The following CDH13 variants were observed in gnomAD, a reference collection of about 807,000 sequenced individuals.
CDH13 encodes cadherin 13, also known as cadherin-13.
A neutral mutation model predicts 63.8 loss-of-function variants in CDH13; 24 were observed. The observed-to-expected ratio is 0.38, with a 90% CI of 0.27 to 0.53. CDH13 has a LOEUF of 0.53. CDH13 is among the 20% of genes least tolerant of loss of function. The pLI is 0.85. For missense variants in CDH13, 1,049 were observed against 903.1 expected (o/e 1.16, Z -2.07); for synonymous variants, 503 against 355.3 (o/e 1.42, Z -4.67).
chr16:83,211,205 G>A (rs1219985327), intron 4 of CDH13, among the ~76,000 whole-genome samples: 1 of 151,780 alleles, frequency 6.6e-6, no homozygotes, highest in Non-Finnish European at 1.5e-5. Context: ...ATAAAATCTG[G>A]AGTCTAGTTA....
chr16:83,225,978 T>C (rs893265010), intron 5 of CDH13, among the ~76,000 whole-genome samples: 2 of 152,232 alleles, frequency 1.3e-5, no homozygotes, highest in East Asian at 3.8e-4. Context: ...TGCTTCACTC[T>C]GAGCAAACAT....
chr16:83,533,664 A>G (rs913878852), intron 7 of CDH13, among the ~76,000 whole-genome samples: 3 of 131,040 alleles, frequency 2.3e-5, no homozygotes, highest in Non-Finnish European at 3.1e-5. Flanking sequence ...TCTGTCACCC[A>G]GGCTGGAGTG....
intron 7 of CDH13, among the ~76,000 whole-genome samples, chr16:83,494,464 A>G (rs1355892516): frequency 1.3e-5 from 2 of 152,246 alleles, no homozygotes; most frequent in African/African-American, 4.8e-5. Flanking sequence ...TCTAATTTGG[A>G]AAGAATATCT....
Position 83,116,666 on chromosome 16 carries a change from G to C in CDH13, c.367-8719G>C, listed in dbSNP as rs188461118. Among the ~76,000 whole-genome samples, 17 of 152,352 alleles carry C rather than the reference G, an allele frequency of 1.1e-4. No homozygotes were observed. In the South Asian group the frequency reaches 1.9e-3, roughly 17 times the overall value. ...AATGGGCATGAGGTTTCATTTAAGGGTGATGGAGATGTTCTAAAATTATAT... is the reference window on the plus strand; with the variant it reads ...AATGGGCATGAGGTTTCATTTAAGGCTGATGGAGATGTTCTAAAATTATAT... On this transcript the variant is annotated intron_variant, in intron 3 of 13. Coordinates refer to ENST00000567109, the MANE Select transcript of CDH13 (RefSeq NM_001257.5).
At chr16:83,137,725 G>A (rs1252992677) in intron 4 of CDH13, among the ~76,000 whole-genome samples, 3 of 152,218 alleles carry the variant, frequency 2.0e-5, no homozygotes, top group African/African-American at 7.2e-5. Flanking sequence ...GGGCCGTGAA[G>A]GAGTGGGGCC....
intron 2 of CDH13, among the ~76,000 whole-genome samples, chr16:82,950,070 C>T (rs1905133314): frequency 6.6e-6 from 1 of 152,070 alleles, no homozygotes; most frequent in Non-Finnish European, 1.5e-5. Flanking sequence ...TAACAAAGTG[C>T]CACAAACTGG....
At chr16:83,253,075 A>C (rs1905778598) in intron 5 of CDH13, among the ~76,000 whole-genome samples, 1 of 152,226 alleles carries the variant, frequency 6.6e-6, no homozygotes, top group Non-Finnish European at 1.5e-5. Context: ...CTCAATAAAT[A>C]GTGGAGATTG....
At chr16:83,288,167 G>T (rs1176177732) in intron 5 of CDH13, among the ~76,000 whole-genome samples, 1 of 151,984 alleles carries the variant, frequency 6.6e-6, no homozygotes, top group East Asian at 1.9e-4. Flanking sequence ...TGAGTTTTTT[G>T]GTGCCTCCTT....
intron 6 of CDH13, among the ~76,000 whole-genome samples, chr16:83,425,849 A>G (rs924610818): frequency 4.0e-5 from 6 of 149,888 alleles, no homozygotes; most frequent in African/African-American, 7.4e-5. Flanking sequence ...TCATTCAACA[A>G]TTATTTATAA....
intron 7 of CDH13, among the ~76,000 whole-genome samples, chr16:83,554,411 C>T (rs183715862): frequency 5.2e-4 from 79 of 151,912 alleles, no homozygotes; most frequent in Non-Finnish European, 1.1e-3. Flanking sequence ...ATGGAGGCAA[C>T]GATAAGTAGG....
At chr16:83,600,150 C>T (rs895951434) in intron 7 of CDH13, among the ~76,000 whole-genome samples, 43 of 152,172 alleles carry the variant, frequency 2.8e-4, no homozygotes, top group Admixed American at 2.7e-3. Flanking sequence ...AGAACCAGGG[C>T]AGATGGCATC....
At chr16:83,533,334 C>G (rs1042975237) in intron 7 of CDH13, among the ~76,000 whole-genome samples, 3 of 152,186 alleles carry the variant, frequency 2.0e-5, no homozygotes, top group African/African-American at 7.2e-5. Flanking sequence ...AAGATAAATA[C>G]TGAGATGCCC....
At chr16:83,606,340 G>C (rs1467523017) in intron 8 of CDH13, among the ~76,000 whole-genome samples, 1 of 152,100 alleles carries the variant, frequency 6.6e-6, no homozygotes, top group Non-Finnish European at 1.5e-5. Flanking sequence ...CCTTTTATCT[G>C]TTTTTGAAAT....
intron 2 of CDH13, 153 bp downstream of exon 2, chr16:82,858,626 G>T (rs2039802574): frequency 1.4e-6 from 1 of 692,204 alleles, no homozygotes; most frequent in South Asian, 1.6e-5. Flanking sequence ...GGAAATTCTT[G>T]AATGAGGGCC....
intron 2 of CDH13, among the ~76,000 whole-genome samples, chr16:82,996,324 C>G (rs968601815): frequency 6.6e-5 from 10 of 152,140 alleles, no homozygotes; most frequent in African/African-American, 2.4e-4. Context: ...GACTCATCAG[C>G]TTCCTGAACT....
intron 10 of CDH13, among the ~76,000 whole-genome samples, chr16:83,704,717 G>A (rs1168337103): frequency 6.6e-6 from 1 of 152,162 alleles, no homozygotes; most frequent in East Asian, 1.9e-4. Context: ...AGCCTTCAGT[G>A]CTCATTTTTC....
In CDH13 at chr16:82,722,056, G is replaced by A. The variant is rs368194385; in HGVS notation, c.45+94919G>A. ...TCGGGAGGCAGGGATGGGATTCAAG[G>A]AAGACTTGTTGGTTTGGATGGAAAC... On this transcript the variant is annotated intron_variant, in intron 1 of 13. Coordinates refer to ENST00000567109, the MANE Select transcript of CDH13 (RefSeq NM_001257.5). 2.8e-4 allele frequency among the ~76,000 whole-genome samples: 42 copies of A among 152,292 alleles called. No individual in the cohort carries two copies. The South Asian group carries it at 6.0e-3, about 22-fold the overall frequency.
intron 9 of CDH13, among the ~76,000 whole-genome samples, chr16:83,677,457 T>TGTAGAGCAAATGGC (rs1915052416): frequency 6.6e-6 from 1 of 151,872 alleles, no homozygotes; most frequent in Non-Finnish European, 1.5e-5. Context: ...CGGCAAATGG[T>TGTAGAGCAAATGGC]TGTAGAGCCC....
chr16:83,114,517 C>T (rs1313476781), intron 3 of CDH13, among the ~76,000 whole-genome samples: 2 of 152,198 alleles, frequency 1.3e-5, no homozygotes, highest in Non-Finnish European at 2.9e-5. Context: ...CCTCACACCC[C>T]CTGCCATGAG....
Sources: allele counts gnomAD v4.1 joint callset (sites outside exome capture counted in the v4.1 genomes callset), GRCh38; gene constraint gnomAD v4.1.1; transcripts MANE v1.5; gene names NCBI Gene and HGNC (gene_info 2026-07-23, HGNC 2026-07-21).